The following PFKFB4 variants were observed in gnomAD, a reference collection of about 807,000 sequenced individuals.
PFKFB4 encodes 6-phosphofructo-2-kinase/fructose-2,6-bisphosphatase 4.
A neutral mutation model predicts 62.8 loss-of-function variants in PFKFB4; 42 were observed. The observed-to-expected ratio is 0.67, with a 90% CI of 0.52 to 0.86. The LOEUF is 0.86. Among genes scored for constraint, PFKFB4 ranks in the 40% least tolerant of loss-of-function variants. PFKFB4 has a pLI of 0.00. For synonymous variants in PFKFB4, 204 were observed against 240.7 expected, an observed-to-expected ratio of 0.85 and a Z score of 1.41; for missense variants, 475 against 627.2, an observed-to-expected ratio of 0.76 and a Z score of 2.59.
chr3:48,558,054 A>G (rs1047957488), upstream of PFKFB4, among the ~76,000 whole-genome samples: 4 of 152,200 alleles, frequency 2.6e-5, no homozygotes, highest in African/African-American at 9.7e-5. Flanking sequence ...ACAGTATTAC[A>G]GTATAAATTA....
intron 9 of PFKFB4, among the ~76,000 whole-genome samples, chr3:48,529,861 G>T (rs981496471): frequency 6.6e-6 from 1 of 151,792 alleles, no homozygotes; most frequent in African/African-American, 2.4e-5. Context: ...GGCTGAGGTG[G>T]GAAGATGGCT....
intron 12 of PFKFB4, among the ~76,000 whole-genome samples, chr3:48,523,209 C>T (rs1367344090): frequency 1.3e-5 from 2 of 152,052 alleles, no homozygotes; most frequent in Non-Finnish European, 1.5e-5. Flanking sequence ...CATGGTGACA[C>T]TCTGTCTCTA....
chr3:48,535,200 T>C (rs1309732605), intron 9 of PFKFB4, among the ~76,000 whole-genome samples: 2 of 152,198 alleles, frequency 1.3e-5, no homozygotes, highest in African/African-American at 4.8e-5. Flanking sequence ...TGACTGCAGC[T>C]ACCAAGCTCC....
chr3:48,549,886 C>A lies in PFKFB4; in HGVS notation c.289G>T (p.Glu97Ter), dbSNP rs1479347851. 1 of 1,612,194 alleles carries A rather than the reference C, an allele frequency of 6.2e-7. No individual in the cohort carries two copies. The highest frequency in any genetic ancestry group is 1.1e-5 in the South Asian group (1 of 91,044). Residue 97 changes from glutamate (E) to a stop codon, truncating the protein, a stop_gained, in exon 3 of 14, where the codon GAA becomes TAA. Coordinates refer to ENST00000232375, the MANE Select transcript of PFKFB4 (RefSeq NM_004567.4). LOFTEE classifies it high-confidence loss of function. ...KSFEFFLPDN[E>*]EGLKIRKQCA... ...TACTTCCTGATTTTCAGGCCCTCTT[C>A]ATTGTCGGGGAGAAAAAATTCAAAA... is the stretch of plus-strand genomic sequence containing the variant.
intron 3 of PFKFB4, among the ~76,000 whole-genome samples, chr3:48,547,150 T>C (rs142381686): frequency 6.6e-6 from 1 of 152,342 alleles, no homozygotes; most frequent in East Asian, 1.9e-4. Context: ...CAGGTGTGTG[T>C]GTATATACAG....
chr3:48,543,689 G>C (rs2042870704), intron 3 of PFKFB4, 43 bp from the exon 4 acceptor site: 1 of 1,538,618 alleles, frequency 6.5e-7, no homozygotes, highest in Non-Finnish European at 8.9e-7. Context: ...ACCCGACCCT[G>C]GCTCCAGGAG....
At position 48,523,702 on chromosome 3, in the gene PFKFB4, TG is replaced by T; in HGVS notation, c.1220del (p.Ala407GlufsTer15). The T allele has an allele frequency of 6.2e-7, 1 of 1,614,146 alleles. No homozygotes were observed. ...CCTCCCCCGGGGCACAGCCCACACC[TG>T]CTGCCTTGTCGAGGAAGTAGGCCAG... ...CLLAYFLDKA[A>X]EQLPYLKCPL... is the part of the protein sequence containing the mutation. On this transcript the variant is annotated frameshift_variant and splice_region_variant, in exon 11 of 14. Transcript: ENST00000232375. LOFTEE classifies it high-confidence loss of function.
chr3:48,539,426 C>G, intron 5 of PFKFB4, 116 bp from the exon 6 acceptor site: 3 of 933,468 alleles, frequency 3.2e-6, no homozygotes, highest in Non-Finnish European at 5.2e-6. Flanking sequence ...TGACAAGCAG[C>G]CAGGCCCTGA....
In PFKFB4 at chr3:48,549,977, G is replaced by A. The variant is rs750881782; in HGVS notation, c.215-17C>T. ...CATTGAACTCTGGAGGGAAGGAGAG[G>A]CTCAGCTTTCACAGCAACAGCAACC... On this transcript the variant is annotated splice_polypyrimidine_tract_variant and intron_variant, in intron 2 of 13. Transcript: ENST00000232375. 1 of 1,590,478 alleles carries A rather than the reference G, an allele frequency of 6.3e-7. No homozygotes were observed. Among genetic ancestry groups the A allele is most frequent in the Non-Finnish European group, 8.6e-7 (1 of 1,158,458 alleles).
Position 48,543,611 on chromosome 3 carries a change from C to T in PFKFB4, c.347G>A (p.Arg116Gln), listed in dbSNP as rs745957312. The T allele has an allele frequency of 5.0e-6, 8 of 1,612,334 alleles. No homozygotes were observed. The highest frequency in any genetic ancestry group is 3.3e-5 in the South Asian group (3 of 90,386). The stretch of plus-strand genomic sequence containing the variant: ...ATGTCCCCCCTCCTCACTAAGGAAC[C>T]GCCGGACGTCACGGAGGGCTGCCAG... Reference protein sequence around the residue: ...CALAALRDVRRFLSEEGGHVA... With the variant: ...CALAALRDVRQFLSEEGGHVA... The change falls in exon 4 of 14, where the codon CGG (arginine) becomes CAG (glutamine). Residue 116 changes from arginine to glutamine, a missense_variant. Transcript: ENST00000232375.
intron 3 of PFKFB4, among the ~76,000 whole-genome samples, chr3:48,545,381 C>T (rs1437771490): frequency 1.3e-5 from 2 of 152,324 alleles, no homozygotes; most frequent in African/African-American, 4.8e-5. Flanking sequence ...GATCCACCCT[C>T]CTCAGCCTCC....
Position 48,539,292 on chromosome 3 carries a change from T to C in PFKFB4, c.472A>G (p.Ile158Val), listed in dbSNP as rs1263311824. The change falls in exon 6 of 14, where the codon ATC becomes GTC. Residue 158 changes from isoleucine (I) to valine (V), a missense_variant. Ile to Val is a conservative substitution (Grantham distance 29). Coordinates refer to ENST00000232375, the MANE Select transcript of PFKFB4 (RefSeq NM_004567.4). ...GCTATGACCTCAGGATCCACACAGA[T>C]GGACTCGACAAAAAAGGTCTGCGGC... ...NGYKTFFVESICVDPEVIAAN... is the reference protein window; with the variant it reads ...NGYKTFFVESVCVDPEVIAAN... 1 of 1,613,728 alleles carries C rather than the reference T, an allele frequency of 6.2e-7. No homozygotes were observed. The highest frequency in any genetic ancestry group is 1.3e-5 in the African/African-American group (1 of 74,924).
intron 9 of PFKFB4, among the ~76,000 whole-genome samples, chr3:48,530,899 G>T (rs2042407261): frequency 6.6e-6 from 1 of 152,118 alleles, no homozygotes; most frequent in East Asian, 1.9e-4. Context: ...TACAGACAGG[G>T]TTTCACCATC....
intron 9 of PFKFB4, among the ~76,000 whole-genome samples, chr3:48,532,959 A>T (rs1042621621): frequency 6.6e-6 from 1 of 152,230 alleles, no homozygotes; most frequent in Non-Finnish European, 1.5e-5. Flanking sequence ...CACTTATATG[A>T]GGTATATAAA....
chr3:48,552,763 C>T (rs1182296764), intron 1 of PFKFB4, among the ~76,000 whole-genome samples: 1 of 152,240 alleles, frequency 6.6e-6, no homozygotes, highest in Non-Finnish European at 1.5e-5. Context: ...TGCACCCCCT[C>T]TCCACATCTC....
At chr3:48,559,078 T>A (rs1415102220), upstream of PFKFB4, among the ~76,000 whole-genome samples, 1 of 152,054 alleles carries the variant, frequency 6.6e-6, no homozygotes, top group Non-Finnish European at 1.5e-5. Context: ...GGGCTGGGGG[T>A]AGAGGACAGC....
chr3:48,519,825 G>A lies in PFKFB4; in HGVS notation c.1351-19C>T. 1.2e-6 allele frequency: 2 copies of A among 1,607,712 alleles called. No homozygotes were observed. Among genetic ancestry groups the A allele is most frequent in the East Asian group, 2.2e-5 (1 of 44,828 alleles). On this transcript the variant is annotated intron_variant, in intron 13 of 13. Coordinates refer to ENST00000232375, the MANE Select transcript of PFKFB4 (RefSeq NM_004567.4). ...CCACGTTCTGTACAATAAAAACACAGAGCGTTCACTCCATGGCAGGAATAG... is the reference window on the plus strand; with the variant it reads ...CCACGTTCTGTACAATAAAAACACAAAGCGTTCACTCCATGGCAGGAATAG...
At position 48,535,578 on chromosome 3, in the gene PFKFB4, T is replaced by G; in HGVS notation, c.921A>C (p.Thr307=). Reference sequence around the variant, plus strand: ...CACCCAGTGCCTCAGCCGTCTGGATTGTCCTCTTCATCTGGCTTGTCCAGA... The same window carrying G: ...CACCCAGTGCCTCAGCCGTCTGGATGGTCCTCTTCATCTGGCTTGTCCAGA... ...LKVWTSQMKR[T]IQTAEALGVP... The change falls in exon 9 of 14, where the codon ACA becomes ACC. Residue 307 remains threonine, a synonymous_variant. Coordinates refer to ENST00000232375, the MANE Select transcript of PFKFB4 (RefSeq NM_004567.4). 1.2e-6 allele frequency: 2 copies of G among 1,614,130 alleles called. No individual in the cohort carries two copies. Among genetic ancestry groups the G allele is most frequent in the Non-Finnish European group, 1.7e-6 (2 of 1,179,990 alleles).
At chr3:48,530,512 T>C (rs1453999337) in intron 9 of PFKFB4, among the ~76,000 whole-genome samples, 2 of 151,514 alleles carry the variant, frequency 1.3e-5, no homozygotes. Context: ...TGCCTACCTT[T>C]CAAATAACAA....
Sources: gnomAD v4.1 joint callset for allele counts (sites outside exome capture counted in the v4.1 genomes callset) on GRCh38, gnomAD v4.1.1 for gene constraint, MANE v1.5 for transcripts, NCBI Gene and HGNC (gene_info 2026-07-23, HGNC 2026-07-21) for gene names.